GPRIN3: variants seen among roughly 807,000 people sequenced by gnomAD.
GPRIN3 encodes GPRIN family member 3.
GPRIN3 carries 12 observed loss-of-function variants against 13.7 expected under a neutral mutation model. That is an observed-to-expected ratio of 0.87 (90% CI 0.56 to 1.42). The LOEUF is 1.42. Ranked by LOEUF, GPRIN3 falls within the 40% of genes most tolerant of loss-of-function variation. The pLI, the probability that GPRIN3 is intolerant of heterozygous loss-of-function variation, is 0.00. For missense variants in GPRIN3, 1,009 were observed against 958.7 expected, an observed-to-expected ratio of 1.05 and a Z score of -0.69; for synonymous variants, 377 against 372.7, an observed-to-expected ratio of 1.01 and a Z score of -0.13.
At chr4:89,256,642 CA>C (rs1331984944) in intron 1 of GPRIN3, among the ~76,000 whole-genome samples, 1 of 152,132 alleles carries the variant, frequency 6.6e-6, no homozygotes, top group Non-Finnish European at 1.5e-5. Flanking sequence ...ACTTCAGAAC[CA>C]CTGCACTGCT....
chr4:89,258,207 C>T (rs956008874), intron 1 of GPRIN3, among the ~76,000 whole-genome samples: 3 of 148,052 alleles, frequency 2.0e-5, no homozygotes, highest in African/African-American at 7.4e-5. Context: ...GAAATGAAGA[C>T]TTGTAGAATG....
At position 89,243,836 on chromosome 4, in the gene GPRIN3, T is replaced by C. The variant is rs1354335023; in HGVS notation, c.*3944A>G. On this transcript the variant is annotated 3_prime_UTR_variant, in exon 2 of 2. Coordinates refer to ENST00000609438, the MANE Select transcript of GPRIN3 (RefSeq NM_198281.3). Reference sequence around the variant, plus strand: ...TATCCTAATGTATTGTTTTTCTTTATACTGATTCATAAAAGTAGACAAGGG... The same window carrying C: ...TATCCTAATGTATTGTTTTTCTTTACACTGATTCATAAAAGTAGACAAGGG... The C allele has an allele frequency of 6.6e-6, 1 of 152,216 alleles. No homozygotes were observed. The highest frequency in any genetic ancestry group is 1.5e-5 in the Non-Finnish European group (1 of 68,032). 9.4% of individuals were successfully genotyped at this position (152,216 alleles called of 1,614,324 possible). A position where few individuals can be genotyped will look rare whatever the true frequency, so the allele number is the denominator to read the frequency against.
intron 1 of GPRIN3, among the ~76,000 whole-genome samples, chr4:89,295,437 CTG>C (rs969128323): frequency 1.3e-5 from 2 of 152,132 alleles, no homozygotes; most frequent in Admixed American, 6.5e-5. Context: ...GTCTAGAACT[CTG>C]TAGCTTTCTT....
At chr4:89,257,667 C>T (rs762184128) in intron 1 of GPRIN3, among the ~76,000 whole-genome samples, 1 of 152,158 alleles carries the variant, frequency 6.6e-6, no homozygotes, top group Non-Finnish European at 1.5e-5. Flanking sequence ...CATTGTTAAC[C>T]AGTTTTACAC....
At chr4:89,304,246 T>C (rs1184506380) in intron 1 of GPRIN3, among the ~76,000 whole-genome samples, 1 of 152,216 alleles carries the variant, frequency 6.6e-6, no homozygotes, top group Non-Finnish European at 1.5e-5. Context: ...AAAATGCTTG[T>C]CTATCAGATC....
intron 1 of GPRIN3, among the ~76,000 whole-genome samples, chr4:89,274,366 T>A (rs907399811): frequency 6.6e-6 from 1 of 152,184 alleles, no homozygotes; most frequent in Non-Finnish European, 1.5e-5. Context: ...ATTTGGAAGT[T>A]CTCAAAGTAT....
intron 1 of GPRIN3, among the ~76,000 whole-genome samples, chr4:89,298,942 C>T: frequency 6.6e-6 from 1 of 151,950 alleles, no homozygotes; most frequent in Non-Finnish European, 1.5e-5. Context: ...GCCACAAACC[C>T]CAGAGGGAGG....
Position 89,250,205 on chromosome 4 carries a change from G to A in GPRIN3, c.-95C>T, listed in dbSNP as rs961191591. On this transcript the variant is annotated 5_prime_UTR_variant, in exon 2 of 2. Transcript: ENST00000609438. The stretch of plus-strand genomic sequence containing the variant: ...AGTCAGAGCTCAGAGTGATGACACA[G>A]TCAGGGATGATTCCTCTGAAGAACC... The A allele has an allele frequency of 1.3e-6, 2 of 1,513,922 alleles. No homozygotes were observed. The highest frequency in any genetic ancestry group is 2.8e-5 in the African/African-American group (2 of 71,780). The allele number at this position is 1,513,922 out of a possible 1,614,324, so 93.8% of individuals were successfully genotyped here. A position where few individuals can be genotyped will look rare whatever the true frequency, so the allele number is the denominator to read the frequency against.
At chr4:89,303,560 C>A (rs1429491276) in intron 1 of GPRIN3, among the ~76,000 whole-genome samples, 1 of 151,902 alleles carries the variant, frequency 6.6e-6, no homozygotes, top group African/African-American at 2.4e-5. Flanking sequence ...AAATAATTAA[C>A]AACTCAAAAA....
intron 1 of GPRIN3, among the ~76,000 whole-genome samples, chr4:89,294,854 C>T (rs1724689662): frequency 6.6e-6 from 1 of 152,214 alleles, no homozygotes; most frequent in African/African-American, 2.4e-5. Flanking sequence ...ATACTCACCA[C>T]ACTCAAGTGC....
intron 1 of GPRIN3, among the ~76,000 whole-genome samples, chr4:89,297,280 T>C (rs1724764382): frequency 6.6e-6 from 1 of 152,226 alleles, no homozygotes; most frequent in African/African-American, 2.4e-5. Context: ...ATCTGTAATC[T>C]AGCCTTCACT....
rs560417472 is a variant in GPRIN3, at chr4:89,247,828, T to C, written c.2283A>G (p.Arg761=). ...SVFQSMLQNF[R]RPNCCVRPAP... The stretch of plus-strand genomic sequence containing the variant: ...CAGGACGGACGCAGCAGTTGGGGCG[T>C]CGGAAGTTCTGCAGCATGGACTGGA... Residue 761 remains arginine (R), a synonymous_variant, in exon 2 of 2, where the codon CGA becomes CGG. Coordinates refer to ENST00000609438, the MANE Select transcript of GPRIN3 (RefSeq NM_198281.3). 1 of 1,613,964 alleles carries C rather than the reference T, an allele frequency of 6.2e-7. No individual in the cohort carries two copies. Among genetic ancestry groups the C allele is most frequent in the East Asian group, 2.2e-5 (1 of 44,858 alleles).
At chr4:89,272,963 T>A (rs1723999872) in intron 1 of GPRIN3, among the ~76,000 whole-genome samples, 1 of 152,192 alleles carries the variant, frequency 6.6e-6, no homozygotes, top group South Asian at 2.1e-4. Flanking sequence ...TCACAGAATC[T>A]AGCACATAGA....
intron 1 of GPRIN3, among the ~76,000 whole-genome samples, chr4:89,291,404 A>G (rs1485938459): frequency 6.6e-6 from 1 of 152,076 alleles, no homozygotes; most frequent in African/African-American, 2.4e-5. Context: ...TGTGTTCTCC[A>G]GAATGTCACA....
At chr4:89,251,006 T>G (rs1723310965) in intron 1 of GPRIN3, 1 of 152,078 alleles carries the variant, frequency 6.6e-6, no homozygotes, top group South Asian at 2.1e-4. Context: ...TTTTATGGCA[T>G]GACAAAAGAT....
At chr4:89,270,321 A>AAAACAAAC (rs34762090) in intron 1 of GPRIN3, among the ~76,000 whole-genome samples, 54 of 149,968 alleles carry the variant, frequency 3.6e-4, no homozygotes, top group East Asian at 1.8e-3. Flanking sequence ...CTTTTATGGC[A>AAAACAAAC]AAACAAACAA....
chr4:89,270,064 T>C (rs1723887214), intron 1 of GPRIN3, among the ~76,000 whole-genome samples: 1 of 152,194 alleles, frequency 6.6e-6, no homozygotes, highest in South Asian at 2.1e-4. Flanking sequence ...GTCCATTCAT[T>C]ACCATGTTAA....
chr4:89,248,218 G>T lies in GPRIN3; in HGVS notation c.1893C>A (p.Ser631Arg), dbSNP rs1189774931. The change falls in exon 2 of 2, where the codon AGC (serine) becomes AGA (arginine). Residue 631 changes from serine (S) to arginine (R), a missense_variant. Physicochemically the swap from Ser to Arg is moderately radical, Grantham distance 110 (BLOSUM62 -1). Transcript: ENST00000609438. ...KKTPSRSVKASPRRPSRVSEF... is the reference protein window; with the variant it reads ...KKTPSRSVKARPRRPSRVSEF... ...CGCTGACGCGGCTGGGCCTGCGTGG[G>T]CTGGCTTTGACGGAGCGAGATGGGG... The T allele has an allele frequency of 1.2e-6, 2 of 1,614,064 alleles. No homozygotes were observed. The highest frequency in any genetic ancestry group is 2.7e-5 in the African/African-American group (2 of 74,930).
intron 1 of GPRIN3, among the ~76,000 whole-genome samples, chr4:89,253,729 T>C (rs921242458): frequency 1.3e-5 from 2 of 152,250 alleles, no homozygotes; most frequent in African/African-American, 4.8e-5. Context: ...TGTCCATCAA[T>C]TGAAGTTCAA....
Sources: gnomAD v4.1 joint callset for allele counts (sites outside exome capture counted in the v4.1 genomes callset) on GRCh38, gnomAD v4.1.1 for gene constraint, MANE v1.5 for transcripts, NCBI Gene and HGNC (gene_info 2026-07-23, HGNC 2026-07-21) for gene names.